Variants in CCDC171 observed in about 807,000 individuals in gnomAD.
CCDC171 encodes coiled-coil domain-containing protein 171.
A neutral mutation model predicts 168.2 loss-of-function variants in CCDC171; 177 were observed. The observed-to-expected ratio is 1.05, with a 90% CI of 0.93 to 1.19. The LOEUF (loss-of-function observed/expected upper bound fraction) is 1.19, where lower values mean the gene tolerates loss of function less well. CCDC171 is among the 50% of genes most tolerant of loss of function. CCDC171 has a pLI of 0.00. For synonymous variants in CCDC171, 687 were observed against 540.8 expected (o/e 1.27, Z -3.75); for missense variants, 1,991 against 1,539.0 (o/e 1.29, Z -4.91).
intron 3 of CCDC171, among the ~76,000 whole-genome samples, chr9:15,985,326 A>G (rs1301789810): frequency 6.6e-6 from 1 of 152,168 alleles, no homozygotes; most frequent in Non-Finnish European, 1.5e-5. Flanking sequence ...ATTTGCAGGT[A>G]TGAACACACT....
chr9:15,664,567 T>C (rs867399014), intron 8 of CCDC171, among the ~76,000 whole-genome samples: 12 of 143,998 alleles, frequency 8.3e-5, no homozygotes, highest in East Asian at 4.1e-4. Context: ...CTTAAATTTA[T>C]ACACACACAC....
In CCDC171 at chr9:15,742,606, C is replaced by T. The variant is rs145026073; in HGVS notation, c.2050-1667C>T. On this transcript the variant is annotated intron_variant, in intron 16 of 25. Transcript: ENST00000380701. ...TGCTTCTTTTAGCACTCCCTGTGGG[C>T]CACCACTTGCTTTACTAATGGTCTT... 1.8e-3 allele frequency among the ~76,000 whole-genome samples: 270 copies of T among 152,312 alleles called. 2 individuals are homozygous for T. The highest frequency in any genetic ancestry group is 6.1e-3 in the African/African-American group (253 of 41,580).
chr9:15,706,418 A>G (rs2052240986), intron 11 of CCDC171, among the ~76,000 whole-genome samples: 1 of 151,974 alleles, frequency 6.6e-6, no homozygotes, highest in Admixed American at 6.6e-5. Context: ...GCTCCCAAGT[A>G]GCTGGGACTA....
At chr9:15,804,023 G>A (rs1201109292) in intron 21 of CCDC171, among the ~76,000 whole-genome samples, 1 of 151,978 alleles carries the variant, frequency 6.6e-6, no homozygotes. Context: ...TTCATGATTT[G>A]GCTCTCTACT....
chr9:15,666,970 G>A (rs180906541), intron 9 of CCDC171, among the ~76,000 whole-genome samples: 5 of 152,294 alleles, frequency 3.3e-5, no homozygotes, highest in Admixed American at 2.6e-4. Flanking sequence ...AACACCGTAT[G>A]AGGAAGGTAT....
At chr9:16,080,651 C>G in the CCDC171 span, among the ~76,000 whole-genome samples, 1 of 152,148 alleles carries the variant, frequency 6.6e-6, no homozygotes, top group East Asian at 1.9e-4. Flanking sequence ...GAGAAGTGTT[C>G]TCCAGCCTGG....
At chr9:15,586,260 G>A (rs1189171302) in intron 4 of CCDC171, among the ~76,000 whole-genome samples, 1 of 152,180 alleles carries the variant, frequency 6.6e-6, no homozygotes. Flanking sequence ...AGTCCAGGTT[G>A]TAGATATATG....
At chr9:16,034,050 G>A (rs1245307127) in intron 6 of CCDC171, among the ~76,000 whole-genome samples, 1 of 152,200 alleles carries the variant, frequency 6.6e-6, no homozygotes, top group Non-Finnish European at 1.5e-5. Flanking sequence ...TGAAGATCAA[G>A]TGCTTATCTC....
intron 21 of CCDC171, among the ~76,000 whole-genome samples, chr9:15,789,101 G>T (rs1442931033): frequency 6.6e-6 from 1 of 152,052 alleles, no homozygotes; most frequent in South Asian, 2.1e-4. Context: ...GTTTGTCCTG[G>T]AGGCAGATAC....
intron 3 of CCDC171, among the ~76,000 whole-genome samples, chr9:16,003,555 A>G (rs370841979): frequency 6.6e-6 from 1 of 152,296 alleles, no homozygotes; most frequent in East Asian, 1.9e-4. Flanking sequence ...CTACCTGATA[A>G]GGTGTTGGGG....
the CCDC171 span, among the ~76,000 whole-genome samples, chr9:16,067,121 C>G: frequency 6.6e-6 from 1 of 151,940 alleles, no homozygotes; most frequent in Non-Finnish European, 1.5e-5. Flanking sequence ...TCTCCAGCAC[C>G]TGTTGTTTCC....
the CCDC171 span, among the ~76,000 whole-genome samples, chr9:16,071,509 G>A: frequency 6.8e-6 from 1 of 147,372 alleles, no homozygotes; most frequent in South Asian, 2.2e-4. Context: ...CACTCCCACA[G>A]TTGTGTTTTT....
At chr9:15,745,067 CA>C (rs1302163899) in intron 17 of CCDC171, among the ~76,000 whole-genome samples, 1 of 152,076 alleles carries the variant, frequency 6.6e-6, no homozygotes, top group African/African-American at 2.4e-5. Context: ...AGAGTTTATA[CA>C]GTGATTTTTC....
chr9:15,602,377 A>G (rs1365660292), intron 6 of CCDC171, among the ~76,000 whole-genome samples: 1 of 152,110 alleles, frequency 6.6e-6, no homozygotes, highest in Non-Finnish European at 1.5e-5. Context: ...TCAGTTTTTT[A>G]AATAAGTTAT....
intron 24 of CCDC171, among the ~76,000 whole-genome samples, chr9:15,916,554 TTTC>T (rs1404679747): frequency 6.6e-6 from 1 of 152,088 alleles, no homozygotes; most frequent in Non-Finnish European, 1.5e-5. Flanking sequence ...TTTTCACTAT[TTTC>T]TTCTTCTCTT....
chr9:15,751,671 A>G (rs1427011662), intron 18 of CCDC171, among the ~76,000 whole-genome samples: 1 of 152,210 alleles, frequency 6.6e-6, no homozygotes, highest in Non-Finnish European at 1.5e-5. Context: ...AGCATTCCCT[A>G]TTTAATAAGT....
chr9:15,953,013 T>A (rs1257880423), intron 25 of CCDC171, among the ~76,000 whole-genome samples: 2 of 152,222 alleles, frequency 1.3e-5, no homozygotes, highest in African/African-American at 4.8e-5. Context: ...TGTAACTGAT[T>A]TTTTTGTGTT....
At chr9:15,575,653 T>C (rs538833909) in intron 3 of CCDC171, among the ~76,000 whole-genome samples, 1 of 152,350 alleles carries the variant, frequency 6.6e-6, no homozygotes, top group South Asian at 2.1e-4. Context: ...ATTTTATTTT[T>C]ATTAACCTCT....
intron 16 of CCDC171, among the ~76,000 whole-genome samples, chr9:15,734,420 C>G (rs1237261358): frequency 1.3e-5 from 2 of 152,130 alleles, no homozygotes; most frequent in East Asian, 3.9e-4. Flanking sequence ...TGCCTGTAAT[C>G]CCAGCTACTT....
Sources: allele counts gnomAD v4.1 joint callset (sites outside exome capture counted in the v4.1 genomes callset), GRCh38; gene constraint gnomAD v4.1.1; transcripts MANE v1.5; gene names NCBI Gene and HGNC (gene_info 2026-07-23, HGNC 2026-07-21).